The following RABGAP1 variants were observed in gnomAD, a reference collection of about 807,000 sequenced individuals.
RABGAP1 encodes the protein RAB GTPase activating protein 1, also known as rab GTPase-activating protein 1.
A neutral mutation model predicts 137.6 loss-of-function variants in RABGAP1; 23 were observed. The observed-to-expected ratio is 0.17, with a 90% CI of 0.12 to 0.24. RABGAP1 has a LOEUF of 0.24. RABGAP1 is among the 10% of genes least tolerant of loss of function. The pLI, the probability that RABGAP1 is intolerant of heterozygous loss-of-function variation, is 1.00. For missense variants in RABGAP1, 906 were observed against 1,275.8 expected, an observed-to-expected ratio of 0.71 and a Z score of 4.42; for synonymous variants, 451 against 450.7, an observed-to-expected ratio of 1.00 and a Z score of -0.01.
chr9:123,104,664 C>T lies in RABGAP1; in HGVS notation c.*1451C>T, dbSNP rs1171248946. The stretch of plus-strand genomic sequence containing the variant: ...CAACCCCCTCCCCACCAACCATCCC[C>T]TTTGCTGCTTTCTGTGTCTTTCTTG... On this transcript the variant is annotated 3_prime_UTR_variant, in exon 26 of 26. Coordinates refer to ENST00000373647, the MANE Select transcript of RABGAP1 (RefSeq NM_012197.4). 1 of 152,494 alleles carries T rather than the reference C, an allele frequency of 6.6e-6. No individual in the cohort carries two copies. Among genetic ancestry groups the T allele is most frequent in the South Asian group, 2.1e-4 (1 of 4,826 alleles). 9.4% of individuals were successfully genotyped at this position (152,494 alleles called of 1,614,324 possible).
chr9:123,003,268 AC>A (rs2029893262), intron 10 of RABGAP1, among the ~76,000 whole-genome samples: 1 of 152,208 alleles, frequency 6.6e-6, no homozygotes, highest in Admixed American at 6.5e-5. Context: ...TAGTATTTTC[AC>A]TTTATAGATG....
Position 123,070,795 on chromosome 9 carries a change from CTTT to C in RABGAP1, c.1983+373_1983+375del, listed in dbSNP as rs932933292. 6.6e-6 allele frequency among the ~76,000 whole-genome samples: 1 copy of C among 152,136 alleles called. No individual in the cohort carries two copies. The highest frequency in any genetic ancestry group is 1.5e-5 in the Non-Finnish European group (1 of 68,008). Reference sequence around the variant, plus strand: ...GGAGGAAGGCGGAAAAGTTGGTTTTCTTTTAGTACCATTTTATTCATTCATTGG... The same window carrying C: ...GGAGGAAGGCGGAAAAGTTGGTTTTCTAGTACCATTTTATTCATTCATTGG... On this transcript the variant is annotated intron_variant, in intron 15 of 25. Transcript: ENST00000373647. This position sits in a 1 kb window ranked among gnomAD's most constrained non-coding sequence, Gnocchi z 4.4.
At position 123,089,640 on chromosome 9, in the gene RABGAP1, C is replaced by A. The variant is rs760971812; in HGVS notation, c.2425-118C>A. 4 of 730,710 alleles carry A rather than the reference C, an allele frequency of 5.5e-6. No homozygotes were observed. The East Asian group carries it at 1.1e-4, about 20-fold the overall frequency. The allele number at this position is 730,710 out of a possible 1,614,324, so 45.3% of individuals were successfully genotyped here. A position where few individuals can be genotyped will look rare whatever the true frequency, so the allele number is the denominator to read the frequency against. ...TTTCCCTCCAAAAAAATAGGAAATA[C>A]CACATCCATAATGACTGAGATTGCC... On this transcript the variant is annotated intron_variant, in intron 19 of 25. Coordinates refer to ENST00000373647, the MANE Select transcript of RABGAP1 (RefSeq NM_012197.4).
chr9:123,055,546 CTTTTTTTTTTT>C (rs930532167), intron 13 of RABGAP1, among the ~76,000 whole-genome samples: 4 of 121,964 alleles, frequency 3.3e-5, no homozygotes, highest in Admixed American at 8.2e-5. Flanking sequence ...ATTTCTTCTT[CTTTTTTTTTTT>C]TTTTTTTTTG....
At chr9:123,007,045 T>G (rs2030340542) in intron 10 of RABGAP1, among the ~76,000 whole-genome samples, 1 of 150,732 alleles carries the variant, frequency 6.6e-6, no homozygotes, top group Non-Finnish European at 1.5e-5. Context: ...TGTGTAGCTC[T>G]GGAAAAAAAA....
chr9:123,072,810 G>A (rs967324627), intron 15 of RABGAP1, among the ~76,000 whole-genome samples: 16 of 152,124 alleles, frequency 1.1e-4, no homozygotes, highest in African/African-American at 3.4e-4. Context: ...TTGTTCCATA[G>A]AAGCCTGCCC....
intron 6 of RABGAP1, among the ~76,000 whole-genome samples, chr9:122,995,623 T>G (rs1385285055): frequency 6.8e-6 from 1 of 146,206 alleles, no homozygotes; most frequent in Non-Finnish European, 1.5e-5. Context: ...TGCTGGAGTG[T>G]AGTGGCGCAA....
chr9:122,991,804 C>T (rs748967691), intron 6 of RABGAP1, among the ~76,000 whole-genome samples: 1 of 151,592 alleles, frequency 6.6e-6, no homozygotes, highest in Non-Finnish European at 1.5e-5. Flanking sequence ...TGGGGTCTTG[C>T]CACATTGCCC....
chr9:122,967,123 C>T (rs1391523534), intron 2 of RABGAP1, among the ~76,000 whole-genome samples: 2 of 152,092 alleles, frequency 1.3e-5, no homozygotes, highest in African/African-American at 4.8e-5. Context: ...TTCAGGAAAG[C>T]AGTAGTGATC....
chr9:123,050,119 T>G (rs2033390814), intron 13 of RABGAP1, among the ~76,000 whole-genome samples: 1 of 152,232 alleles, frequency 6.6e-6, no homozygotes, highest in Non-Finnish European at 1.5e-5. Flanking sequence ...CACACAATTA[T>G]GACCAGATTC....
At chr9:123,038,368 A>T (rs2032779738) in intron 13 of RABGAP1, among the ~76,000 whole-genome samples, 1 of 152,058 alleles carries the variant, frequency 6.6e-6, no homozygotes, top group Non-Finnish European at 1.5e-5. Context: ...GGAAAACTTG[A>T]ATTTTTTTTT....
rs142016132 is a variant in RABGAP1 at position 122,955,247 on chromosome 9, C to G, written c.-49-1764C>G. 2.5e-3 allele frequency among the ~76,000 whole-genome samples: 388 copies of G among 152,294 alleles called. 1 individual carries two copies. Among genetic ancestry groups the G allele is most frequent in the African/African-American group, 9.0e-3 (375 of 41,564 alleles). ...ACATGTTCCCATAATTTTCTTTACC[C>G]TAAATCAGTACTTATTAGGTACGAT... On this transcript the variant is annotated intron_variant, in intron 1 of 25. Transcript: ENST00000373647.
intron 19 of RABGAP1, among the ~76,000 whole-genome samples, chr9:123,084,157 C>T (rs1459101551): frequency 6.6e-6 from 1 of 152,184 alleles, no homozygotes; most frequent in Non-Finnish European, 1.5e-5. Flanking sequence ...AATCCCTGCT[C>T]TACTCATCTC....
At chr9:123,064,640 C>T (rs775210959) in intron 13 of RABGAP1, among the ~76,000 whole-genome samples, 4 of 152,178 alleles carry the variant, frequency 2.6e-5, no homozygotes, top group Non-Finnish European at 4.4e-5. Context: ...ACTGTGTCAG[C>T]AAATGAAATT....
At chr9:123,042,391 A>C (rs2032994910) in intron 13 of RABGAP1, among the ~76,000 whole-genome samples, 1 of 152,218 alleles carries the variant, frequency 6.6e-6, no homozygotes, top group Admixed American at 6.5e-5. Context: ...TACAGAGCCC[A>C]AAACAATCAA....
At chr9:122,935,816 CG>C in the RABGAP1 span, among the ~76,000 whole-genome samples, 5 of 152,120 alleles carry the variant, frequency 3.3e-5, no homozygotes, top group African/African-American at 1.2e-4. Context: ...TTCAAAATGT[CG>C]GTTTCTCTTT....
At chr9:123,034,335 C>G (rs983183958) in intron 13 of RABGAP1, 1 of 550,168 alleles carries the variant, frequency 1.8e-6, no homozygotes, top group African/African-American at 1.9e-5. Context: ...ATGGCCGCGT[C>G]TGGGACTGGC....
At chr9:123,059,096 A>G (rs2033863529) in intron 13 of RABGAP1, among the ~76,000 whole-genome samples, 1 of 152,216 alleles carries the variant, frequency 6.6e-6, no homozygotes, top group Non-Finnish European at 1.5e-5. Context: ...TCCTGTATAC[A>G]TAGTAATAAT....
intron 19 of RABGAP1, among the ~76,000 whole-genome samples, chr9:123,080,796 C>G (rs898627323): frequency 6.6e-6 from 1 of 152,206 alleles, no homozygotes; most frequent in African/African-American, 2.4e-5. Flanking sequence ...TGCTCTGCAA[C>G]TCACTGAAAT....
Sources: allele counts gnomAD v4.1 joint callset (sites outside exome capture counted in the v4.1 genomes callset), GRCh38; gene constraint gnomAD v4.1.1; non-coding constraint Gnocchi (gnomAD v3.1); transcripts MANE v1.5; gene names NCBI Gene and HGNC (gene_info 2026-07-23, HGNC 2026-07-21).